KAT2B: variants seen among roughly 807,000 people sequenced by gnomAD.
KAT2B encodes the protein lysine acetyltransferase 2B.
A neutral mutation model predicts 105.9 loss-of-function variants in KAT2B; 36 were observed. The ratio of observed to expected loss-of-function variants is 0.34; its 90% CI spans 0.26 to 0.45. The LOEUF (loss-of-function observed/expected upper bound fraction) is 0.45. Among genes scored for constraint, KAT2B ranks in the 20% least tolerant of loss-of-function variants. The pLI is 1.00. For synonymous variants in KAT2B, 397 were observed against 377.9 expected (o/e 1.05, Z -0.59); for missense variants, 820 against 1,021.6 (o/e 0.80, Z 2.69).
intron 1 of KAT2B, among the ~76,000 whole-genome samples, chr3:20,062,586 C>T (rs1474828808): frequency 6.6e-6 from 1 of 150,400 alleles, no homozygotes; most frequent in African/African-American, 2.5e-5. Context: ...CTCAGCTTCC[C>T]GAGTAGCTGG....
intron 13 of KAT2B, among the ~76,000 whole-genome samples, chr3:20,145,554 G>GTTTTTTTTT (rs550166293): frequency 8.9e-4 from 82 of 92,068 alleles, no homozygotes; most frequent in African/African-American, 1.3e-3. Flanking sequence ...GATTTTTTTA[G>GTTTTTTTTT]TTTTTTTTTT....
At chr3:20,116,123 TG>T (rs1252783508) in intron 7 of KAT2B, among the ~76,000 whole-genome samples, 1 of 152,100 alleles carries the variant, frequency 6.6e-6, no homozygotes, top group Non-Finnish European at 1.5e-5. Flanking sequence ...CATGTATCTC[TG>T]GTCCAAAACC....
intron 1 of KAT2B, among the ~76,000 whole-genome samples, chr3:20,051,172 C>T (rs531925047): frequency 3.2e-4 from 46 of 144,486 alleles, no homozygotes; most frequent in Non-Finnish European, 6.6e-4. Flanking sequence ...TGTACTGTAG[C>T]CTGGGTGACA....
At position 20,148,009 on chromosome 3, in the gene KAT2B, A is replaced by T. The variant is rs1259791862; in HGVS notation, c.2156+10A>T. The T allele has an allele frequency of 6.2e-7, 1 of 1,613,006 alleles. No homozygotes were observed. The highest frequency in any genetic ancestry group is 8.5e-7 in the Non-Finnish European group (1 of 1,179,230). ...GTGGAAAAGAGAAAAGGTAAGTATG[A>T]CGGGCAAGAGGATGTTAATGGAAGT... On this transcript the variant is annotated intron_variant, in intron 15 of 17. Transcript: ENST00000263754.
At chr3:20,070,100 T>G (rs749217308) in intron 1 of KAT2B, among the ~76,000 whole-genome samples, 15 of 152,056 alleles carry the variant, frequency 9.9e-5, no homozygotes, top group Non-Finnish European at 1.9e-4. Flanking sequence ...AGCTACTCAC[T>G]GGGGGATGTA....
At chr3:20,126,611 T>C (rs1409493388) in intron 10 of KAT2B, among the ~76,000 whole-genome samples, 6 of 150,400 alleles carry the variant, frequency 4.0e-5, no homozygotes, top group Non-Finnish European at 4.4e-5. Flanking sequence ...TCACCTGAGG[T>C]TGAGAGTTTG....
intron 1 of KAT2B, among the ~76,000 whole-genome samples, chr3:20,059,193 A>G (rs1312759709): frequency 6.6e-6 from 1 of 151,944 alleles, no homozygotes; most frequent in Non-Finnish European, 1.5e-5. Context: ...TGGGCAGATC[A>G]CTTGAGGTCG....
In KAT2B at chr3:20,133,792, G is replaced by A. The variant is rs148998269; in HGVS notation, c.1750-3150G>A. On this transcript the variant is annotated intron_variant, in intron 11 of 17. Transcript: ENST00000263754. Reference sequence around the variant, plus strand: ...AGTTCCCCCTACCATTGCTGGCACTGGGTACATAAACTGTAAACGTATTTG... The same window carrying A: ...AGTTCCCCCTACCATTGCTGGCACTAGGTACATAAACTGTAAACGTATTTG... Among the ~76,000 whole-genome samples, 418 of 152,228 alleles carry A rather than the reference G, an allele frequency of 2.7e-3. 1 individual carries two copies. The highest frequency in any genetic ancestry group is 8.0e-3 in the African/African-American group (333 of 41,538).
chr3:20,101,975 A>C (rs934040448), intron 5 of KAT2B, among the ~76,000 whole-genome samples: 17 of 152,170 alleles, frequency 1.1e-4, no homozygotes, highest in African/African-American at 4.1e-4. Context: ...TCTGAAATTA[A>C]TTAGAGCCCT....
At chr3:20,048,917 C>G (rs1697863926) in intron 1 of KAT2B, among the ~76,000 whole-genome samples, 1 of 151,502 alleles carries the variant, frequency 6.6e-6, no homozygotes, top group Non-Finnish European at 1.5e-5. Flanking sequence ...TGTCGCCAGG[C>G]TGGAGTGCAG....
chr3:20,115,690 TAC>T (rs1699195211), intron 7 of KAT2B, among the ~76,000 whole-genome samples: 1 of 152,200 alleles, frequency 6.6e-6, no homozygotes, highest in South Asian at 2.1e-4. Flanking sequence ...CAAACACATA[TAC>T]TTGAGTAATG....
In KAT2B at chr3:20,148,019, G is replaced by A; in HGVS notation, c.2156+20G>A. ...GAAAAGGTAAGTATGACGGGCAAGA[G>A]GATGTTAATGGAAGTGATTTTTTTT... On this transcript the variant is annotated intron_variant, in intron 15 of 17. Coordinates refer to ENST00000263754, the MANE Select transcript of KAT2B (RefSeq NM_003884.5). 6.2e-7 allele frequency: 1 copy of A among 1,611,412 alleles called. No individual in the cohort carries two copies. The highest frequency in any genetic ancestry group is 8.5e-7 in the Non-Finnish European group (1 of 1,178,358).
intron 13 of KAT2B, among the ~76,000 whole-genome samples, chr3:20,144,914 G>C (rs1699759832): frequency 6.6e-6 from 1 of 151,772 alleles, no homozygotes; most frequent in East Asian, 1.9e-4. Flanking sequence ...TCCTGTCCCA[G>C]CCTCCTGTGT....
chr3:20,121,958 C>T (rs914711015), intron 8 of KAT2B, among the ~76,000 whole-genome samples: 2 of 151,862 alleles, frequency 1.3e-5, no homozygotes, highest in African/African-American at 2.4e-5. Context: ...TATTACATAG[C>T]AATAACTAAC....
chr3:20,142,304 A>G (rs1351665749), intron 13 of KAT2B, among the ~76,000 whole-genome samples: 2 of 152,098 alleles, frequency 1.3e-5, no homozygotes, highest in Non-Finnish European at 2.9e-5. Flanking sequence ...ATTCCGTTGA[A>G]TGGGTGATGG....
At chr3:20,072,197 T>A in intron 1 of KAT2B, 136 bp from the exon 2 acceptor site, 1 of 845,512 alleles carries the variant, frequency 1.2e-6, no homozygotes, top group Non-Finnish European at 1.9e-6. Flanking sequence ...GTTTTTCTCT[T>A]GTGTATATGG....
rs977525967 is a variant in KAT2B at position 20,106,718 on chromosome 3, CT to C, written c.852-4873del. On this transcript the variant is annotated intron_variant, in intron 5 of 17. Coordinates refer to ENST00000263754, the MANE Select transcript of KAT2B (RefSeq NM_003884.5). Reference sequence around the variant, plus strand: ...AACCTGTTAAAGCACTTTTGGATAACTTTTTAGGATTTTATGATAATATTTA... The same window carrying C: ...AACCTGTTAAAGCACTTTTGGATAACTTTTAGGATTTTATGATAATATTTA... 5.0e-4 allele frequency among the ~76,000 whole-genome samples: 76 copies of C among 151,792 alleles called. No homozygotes were observed. The Middle Eastern group carries it at 0.014, about 27-fold the overall frequency.
chr3:20,140,358 GA>G lies in KAT2B; in HGVS notation c.2000del (p.Lys667ArgfsTer3). ...TEFSVIIKKQ[K>X]EIIKKLIERK... ...AATTTTCTGTCATCATTAAAAAGCA[GA>G]AGGAGGTAAGCAGGTGGTTGACTCC... On this transcript the variant is annotated frameshift_variant, in exon 13 of 18. Transcript: ENST00000263754. LOFTEE classifies it high-confidence loss of function. 6.2e-7 allele frequency: 1 copy of G among 1,613,746 alleles called. No homozygotes were observed.
chr3:20,132,020 A>G (rs1445074588), intron 11 of KAT2B, among the ~76,000 whole-genome samples: 3 of 152,202 alleles, frequency 2.0e-5, no homozygotes, highest in African/African-American at 7.2e-5. Context: ...CTGAAAACAC[A>G]AGATAACATA....
Sources: allele counts gnomAD v4.1 joint callset (sites outside exome capture counted in the v4.1 genomes callset), GRCh38; gene constraint gnomAD v4.1.1; transcripts MANE v1.5; gene names NCBI Gene and HGNC (gene_info 2026-07-23, HGNC 2026-07-21).